BMPR1B: variants seen among roughly 807,000 people sequenced by gnomAD.
BMPR1B encodes bone morphogenetic protein receptor type 1B.
In BMPR1B, 12 loss-of-function variants were observed where a neutral mutation model predicts 59.1. The ratio of observed to expected loss-of-function variants is 0.20; its 90% CI spans 0.13 to 0.33. BMPR1B has a LOEUF of 0.33. BMPR1B is among the 10% of genes least tolerant of loss of function. The pLI is 1.00. For synonymous variants in BMPR1B, 237 were observed against 207.3 expected, an observed-to-expected ratio of 1.14 and a Z score of -1.23; for missense variants, 550 against 610.9, an observed-to-expected ratio of 0.90 and a Z score of 1.05.
At chr4:94,804,186 A>C (rs1386058399) in intron 1 of BMPR1B, among the ~76,000 whole-genome samples, 2 of 152,200 alleles carry the variant, frequency 1.3e-5, no homozygotes, top group African/African-American at 2.4e-5. Flanking sequence ...CTAGCACATT[A>C]ACATTTTATA....
chr4:95,154,947 G>T lies in BMPR1B; in HGVS notation c.*274G>T. On this transcript the variant is annotated 3_prime_UTR_variant, in exon 13 of 13. Coordinates refer to ENST00000515059, the MANE Select transcript of BMPR1B (RefSeq NM_001203.3). ...GCATGTTGCTTTCTAAGAAAGCCCT[G>T]TATTTTGTGATTGCCTTTTTTTTTT... The T allele has an allele frequency of 2.6e-6, 1 of 390,758 alleles. No homozygotes were observed. The highest frequency in any genetic ancestry group is 4.7e-6 in the Non-Finnish European group (1 of 213,086). 24.2% of individuals were successfully genotyped at this position (390,758 alleles called of 1,614,324 possible).
At chr4:94,911,895 A>T (rs1728286835) in intron 2 of BMPR1B, among the ~76,000 whole-genome samples, 1 of 152,140 alleles carries the variant, frequency 6.6e-6, no homozygotes, top group African/African-American at 2.4e-5. Flanking sequence ...TCCACATATA[A>T]GTGGATTAAC....
chr4:94,789,180 G>T (rs1218811903), intron 1 of BMPR1B, among the ~76,000 whole-genome samples: 6 of 152,306 alleles, frequency 3.9e-5, no homozygotes, highest in Non-Finnish European at 8.8e-5. Context: ...TTGAGAAATG[G>T]TTCAGTGTTC....
intron 2 of BMPR1B, among the ~76,000 whole-genome samples, chr4:94,887,403 CAAA>C (rs57818132): frequency 5.5e-5 from 3 of 54,798 alleles, no homozygotes; most frequent in Admixed American, 2.5e-4. Context: ...CACCCCCCAC[CAAA>C]AAAAAAAAAA....
chr4:95,001,877 G>A (rs13129062), intron 3 of BMPR1B, among the ~76,000 whole-genome samples: 145,533 of 152,242 alleles, frequency 0.96, 69,592 homozygotes, highest in Middle Eastern at 0.99. Context: ...TCCCAAAGAA[G>A]TTGGGGCTCT....
chr4:94,764,150 T>G (rs1365261828), intron 1 of BMPR1B, among the ~76,000 whole-genome samples: 1 of 152,254 alleles, frequency 6.6e-6, no homozygotes, highest in African/African-American at 2.4e-5. Context: ...TCAGATATAT[T>G]TTGGTTGCCA....
At chr4:95,071,742 GA>G (rs1322686638) in intron 3 of BMPR1B, among the ~76,000 whole-genome samples, 1 of 149,186 alleles carries the variant, frequency 6.7e-6, no homozygotes, top group Non-Finnish European at 1.5e-5. Context: ...AAGAAATCAT[GA>G]AAACCATAAT....
intron 2 of BMPR1B, among the ~76,000 whole-genome samples, chr4:94,907,685 G>A (rs529878935): frequency 5.9e-5 from 9 of 152,002 alleles, no homozygotes; most frequent in South Asian, 2.1e-4. Flanking sequence ...TGTGTGTATC[G>A]TTGCATGTAA....
chr4:94,882,970 G>GTGTA (rs1236401975), intron 2 of BMPR1B, among the ~76,000 whole-genome samples: 8 of 134,710 alleles, frequency 5.9e-5, no homozygotes, highest in South Asian at 2.4e-4. Context: ...GTGTGTGCGT[G>GTGTA]TGTGTGTATG....
At chr4:95,106,080 T>C (rs148134512) in intron 4 of BMPR1B, among the ~76,000 whole-genome samples, 2,044 of 152,128 alleles carry the variant, frequency 0.013, 25 homozygotes, top group Middle Eastern at 0.034. Flanking sequence ...GTGGAAATTC[T>C]GTTGTGGGAA....
At chr4:94,992,224 G>T (rs186632521) in intron 2 of BMPR1B, among the ~76,000 whole-genome samples, 51 of 152,282 alleles carry the variant, frequency 3.3e-4, no homozygotes, top group Admixed American at 1.2e-3. Flanking sequence ...TTAATCCACT[G>T]CTTAATTTGT....
intron 2 of BMPR1B, among the ~76,000 whole-genome samples, chr4:94,877,419 G>C (rs1726773911): frequency 6.6e-6 from 1 of 152,226 alleles, no homozygotes; most frequent in Admixed American, 6.5e-5. Context: ...GATGGGGTTA[G>C]AGAACCAATC....
At chr4:95,132,304 G>A (rs1337189805) in intron 10 of BMPR1B, among the ~76,000 whole-genome samples, 1 of 152,076 alleles carries the variant, frequency 6.6e-6, no homozygotes, top group Non-Finnish European at 1.5e-5. Flanking sequence ...ATCATCTTGT[G>A]GATTTTTCTA....
At chr4:95,011,920 A>G (rs1723252286) in intron 3 of BMPR1B, among the ~76,000 whole-genome samples, 1 of 151,890 alleles carries the variant, frequency 6.6e-6, no homozygotes. Context: ...TTGGGAAACT[A>G]GGGAAGGAGA....
At chr4:95,038,866 A>G (rs944878179) in intron 3 of BMPR1B, among the ~76,000 whole-genome samples, 13 of 152,232 alleles carry the variant, frequency 8.5e-5, no homozygotes, top group Non-Finnish European at 7.4e-5. Flanking sequence ...GTCTTAATGG[A>G]TCTTAAATCA....
chr4:94,842,741 A>G (rs1348941871), intron 1 of BMPR1B, among the ~76,000 whole-genome samples: 2 of 152,186 alleles, frequency 1.3e-5, no homozygotes, highest in Non-Finnish European at 2.9e-5. Context: ...ACAATTTGAA[A>G]ACTAGAATTG....
chr4:95,098,407 G>A (rs1216178819), intron 3 of BMPR1B, among the ~76,000 whole-genome samples: 1 of 152,088 alleles, frequency 6.6e-6, no homozygotes, highest in Non-Finnish European at 1.5e-5. Context: ...TACAACTTCA[G>A]TATGACTTGA....
At chr4:94,859,648 T>C (rs1725900908) in intron 1 of BMPR1B, among the ~76,000 whole-genome samples, 2 of 152,240 alleles carry the variant, frequency 1.3e-5, no homozygotes, top group South Asian at 2.1e-4. Context: ...GGTGGCAGTT[T>C]TGTGGCCAGA....
chr4:94,995,620 C>T (rs1190444142), intron 2 of BMPR1B, among the ~76,000 whole-genome samples: 1 of 152,150 alleles, frequency 6.6e-6, no homozygotes, highest in Non-Finnish European at 1.5e-5. Context: ...TCCACCTAGC[C>T]CCACTTTTCT....
Sources: allele counts gnomAD v4.1 joint callset (sites outside exome capture counted in the v4.1 genomes callset), GRCh38; gene constraint gnomAD v4.1.1; transcripts MANE v1.5; gene names NCBI Gene and HGNC (gene_info 2026-07-23, HGNC 2026-07-21).